Variants in NFATC2 observed in about 807,000 individuals in gnomAD.
NFATC2 encodes nuclear factor of activated T-cells, cytoplasmic 2.
In NFATC2, 22 loss-of-function variants were observed where a neutral mutation model predicts 87.3. The observed-to-expected ratio is 0.25, with a 90% CI of 0.18 to 0.36. The LOEUF (loss-of-function observed/expected upper bound fraction) is 0.36, where lower values mean the gene tolerates loss of function less well. NFATC2 is among the 10% of genes least tolerant of loss of function. The pLI, the probability that NFATC2 is intolerant of heterozygous loss-of-function variation, is 1.00. For synonymous variants in NFATC2, 565 were observed against 542.2 expected, an observed-to-expected ratio of 1.04 and a Z score of -0.58; for missense variants, 1,149 against 1,259.1, an observed-to-expected ratio of 0.91 and a Z score of 1.32.
At chr20:51,560,118 T>C (rs1052153011) in intron 1 of NFATC2, among the ~76,000 whole-genome samples, 1 of 152,208 alleles carries the variant, frequency 6.6e-6, no homozygotes, top group African/African-American at 2.4e-5. Flanking sequence ...TATAACAGGA[T>C]TTGTAGCTAA....
At chr20:51,394,347 C>G (rs994898536) in intron 10 of NFATC2, among the ~76,000 whole-genome samples, 1 of 152,082 alleles carries the variant, frequency 6.6e-6, no homozygotes, top group Non-Finnish European at 1.5e-5. Context: ...ACCCCAGTGC[C>G]CTTTCACCAT....
At chr20:51,503,196 C>CCT (rs1460575265) in intron 3 of NFATC2, among the ~76,000 whole-genome samples, 1 of 152,176 alleles carries the variant, frequency 6.6e-6, no homozygotes, top group Non-Finnish European at 1.5e-5. Flanking sequence ...GCCCTGTACA[C>CCT]AGCTTGTATT....
chr20:51,549,860 C>T (rs71351232), intron 1 of NFATC2, among the ~76,000 whole-genome samples: 2,461 of 152,318 alleles, frequency 0.016, 27 homozygotes, highest in Non-Finnish European at 0.027. Flanking sequence ...GGAGCCTGCA[C>T]TTGGTTGAAT....
intron 1 of NFATC2, among the ~76,000 whole-genome samples, chr20:51,561,405 AAAG>A (rs1384057911): frequency 2.7e-5 from 4 of 147,490 alleles, no homozygotes; most frequent in Admixed American, 1.3e-4. Flanking sequence ...GAGAGAAAGA[AAAG>A]AAAGAAAGAA....
intron 1 of NFATC2, among the ~76,000 whole-genome samples, chr20:51,556,059 C>A (rs891790054): frequency 4.6e-5 from 7 of 152,134 alleles, no homozygotes; most frequent in Admixed American, 3.3e-4. Context: ...GAGGAATCAA[C>A]GCACATGCAC....
At chr20:51,533,412 T>C (rs1383487608) in intron 1 of NFATC2, among the ~76,000 whole-genome samples, 1 of 152,226 alleles carries the variant, frequency 6.6e-6, no homozygotes, top group Non-Finnish European at 1.5e-5. Context: ...AGATTCTCAA[T>C]CAATGAATCA....
chr20:51,468,924 G>T (rs916946508), intron 5 of NFATC2, among the ~76,000 whole-genome samples: 1 of 152,150 alleles, frequency 6.6e-6, no homozygotes, highest in Non-Finnish European at 1.5e-5. Flanking sequence ...CTCAAAGTCC[G>T]CCCCACATCA....
intron 9 of NFATC2, among the ~76,000 whole-genome samples, chr20:51,424,709 A>G (rs1001502712): frequency 6.6e-6 from 1 of 152,198 alleles, no homozygotes; most frequent in Non-Finnish European, 1.5e-5. Flanking sequence ...CAGGTACAGG[A>G]CAAATCGTCA....
intron 3 of NFATC2, among the ~76,000 whole-genome samples, chr20:51,483,990 C>T (rs965707838): frequency 2.6e-5 from 4 of 151,822 alleles, no homozygotes; most frequent in Non-Finnish European, 5.9e-5. Context: ...CTGCTAAAAT[C>T]GCCCCAACAG....
chr20:51,395,289 G>A (rs1274093693), intron 10 of NFATC2, among the ~76,000 whole-genome samples: 1 of 149,052 alleles, frequency 6.7e-6, no homozygotes, highest in African/African-American at 2.6e-5. Flanking sequence ...AGGGGATTGG[G>A]ATTTGAACTC....
chr20:51,439,675 A>G (rs1600732592), intron 6 of NFATC2, among the ~76,000 whole-genome samples: 1 of 151,930 alleles, frequency 6.6e-6, no homozygotes, highest in African/African-American at 2.4e-5. Flanking sequence ...GCTGACTGGA[A>G]CCCTGAGCCT....
intron 9 of NFATC2, among the ~76,000 whole-genome samples, chr20:51,402,480 A>AT (rs965750317): frequency 4.2e-4 from 1 of 2,388 alleles, no homozygotes; most frequent in African/African-American, 8.7e-4. Flanking sequence ...CTGCCTTTGG[A>AT]AAAAAAAAAA....
At chr20:51,473,918 C>CG in intron 5 of NFATC2, 62 bp downstream of exon 5, 1 of 1,565,650 alleles carries the variant, frequency 6.4e-7, no homozygotes, top group Admixed American at 1.8e-5. Context: ...ACACTGCTCC[C>CG]GGGGGAAGCC....
At chr20:51,392,986 A>G (rs1986544972) in intron 10 of NFATC2, among the ~76,000 whole-genome samples, 1 of 152,220 alleles carries the variant, frequency 6.6e-6, no homozygotes, top group Non-Finnish European at 1.5e-5. Context: ...ATCATAGCAC[A>G]TACCTTTTCA....
chr20:51,528,064 T>C (rs1048830811), intron 1 of NFATC2, among the ~76,000 whole-genome samples: 4 of 139,012 alleles, frequency 2.9e-5, no homozygotes, highest in Non-Finnish European at 6.1e-5. Flanking sequence ...CCAGCTTGGG[T>C]GACAGGATGA....
intron 9 of NFATC2, among the ~76,000 whole-genome samples, chr20:51,412,291 G>C (rs1979370429): frequency 6.6e-6 from 1 of 152,216 alleles, no homozygotes; most frequent in Non-Finnish European, 1.5e-5. Context: ...ATTGGACTGG[G>C]GAAGGGGTCT....
chr20:51,520,686 A>G (rs1274012720), intron 2 of NFATC2, among the ~76,000 whole-genome samples: 1 of 150,982 alleles, frequency 6.6e-6, no homozygotes, highest in Non-Finnish European at 1.5e-5. Flanking sequence ...TTTTGAGACA[A>G]TTTTACTCTT....
intron 3 of NFATC2, among the ~76,000 whole-genome samples, chr20:51,502,361 T>G (rs1425269775): frequency 1.3e-5 from 2 of 152,234 alleles, no homozygotes; most frequent in Non-Finnish European, 2.9e-5. Context: ...GATCTCACTC[T>G]GTTGCCCAGG....
At chr20:51,457,910 T>C (rs1356185359) in intron 5 of NFATC2, among the ~76,000 whole-genome samples, 1 of 145,192 alleles carries the variant, frequency 6.9e-6, no homozygotes, top group East Asian at 2.1e-4. Flanking sequence ...TTTTGAGACA[T>C]GGTCTTGCTC....
Sources: gnomAD v4.1 joint callset for allele counts (sites outside exome capture counted in the v4.1 genomes callset) on GRCh38, gnomAD v4.1.1 for gene constraint, MANE v1.5 for transcripts, NCBI Gene and HGNC (gene_info 2026-07-23, HGNC 2026-07-21) for gene names.